Variants in LRRTM4 observed in about 807,000 individuals in gnomAD.
LRRTM4 encodes the protein leucine rich repeat transmembrane neuronal 4.
In LRRTM4, 25 loss-of-function variants were observed where a neutral mutation model predicts 47.6. That is an observed-to-expected ratio of 0.53 (90% CI 0.38 to 0.73). The LOEUF (loss-of-function observed/expected upper bound fraction) is 0.73, where lower values mean the gene tolerates loss of function less well. LRRTM4 is among the 30% of genes least tolerant of loss of function. The pLI is 0.00. For synonymous variants in LRRTM4, 311 were observed against 269.5 expected, an observed-to-expected ratio of 1.15 and a Z score of -1.51; for missense variants, 638 against 713.4, an observed-to-expected ratio of 0.89 and a Z score of 1.20.
chr2:77,267,706 T>TC (rs1182726067), intron 3 of LRRTM4, among the ~76,000 whole-genome samples: 1 of 149,272 alleles, frequency 6.7e-6, no homozygotes, highest in Admixed American at 6.7e-5. Context: ...GAATATTTTT[T>TC]TTTGATAATG....
intron 3 of LRRTM4, among the ~76,000 whole-genome samples, chr2:76,967,050 T>C (rs1676049850): frequency 6.6e-6 from 1 of 151,610 alleles, no homozygotes; most frequent in Admixed American, 6.6e-5. Context: ...ATCAGGCTCC[T>C]AAGTCACTAT....
chr2:76,960,000 C>CA (rs538857675), intron 3 of LRRTM4, among the ~76,000 whole-genome samples: 1,961 of 144,772 alleles, frequency 0.014, 40 homozygotes, highest in African/African-American at 0.043. Flanking sequence ...CTTGGCCAAA[C>CA]AAAAAAAAAA....
At chr2:76,826,273 C>T (rs192321013) in intron 3 of LRRTM4, among the ~76,000 whole-genome samples, 22 of 151,556 alleles carry the variant, frequency 1.5e-4, no homozygotes, top group Middle Eastern at 6.9e-3. Context: ...ATAGGAAAGC[C>T]AAGAAGTAGC....
At chr2:77,395,390 T>C (rs1298701760) in intron 3 of LRRTM4, among the ~76,000 whole-genome samples, 1 of 151,994 alleles carries the variant, frequency 6.6e-6, no homozygotes, top group Non-Finnish European at 1.5e-5. Flanking sequence ...TAGGTATTAA[T>C]GTAGCCTGAG....
chr2:77,084,752 A>T (rs1053061007), intron 3 of LRRTM4, among the ~76,000 whole-genome samples: 2 of 152,232 alleles, frequency 1.3e-5, no homozygotes, highest in Admixed American at 1.3e-4. Context: ...TAATATTGTC[A>T]TAAGAAACCA....
At chr2:76,800,977 C>T (rs13393479) in intron 3 of LRRTM4, among the ~76,000 whole-genome samples, 15,876 of 147,664 alleles carry the variant, frequency 0.11, 1,144 homozygotes, top group Non-Finnish European at 0.14. Context: ...CATCTCACAC[C>T]AGTTAGAATG....
intron 3 of LRRTM4, among the ~76,000 whole-genome samples, chr2:76,919,982 CTAT>C (rs1321019874): frequency 6.6e-6 from 1 of 151,894 alleles, no homozygotes; most frequent in Non-Finnish European, 1.5e-5. Flanking sequence ...TTTTGAAATG[CTAT>C]TTACTTCCAA....
chr2:77,247,113 T>C (rs1469339414), intron 3 of LRRTM4, among the ~76,000 whole-genome samples: 1 of 152,098 alleles, frequency 6.6e-6, no homozygotes, highest in Admixed American at 6.6e-5. Context: ...ATTAATTATA[T>C]TGAATGAGGT....
intron 3 of LRRTM4, among the ~76,000 whole-genome samples, chr2:76,857,311 T>C (rs1292789817): frequency 6.8e-6 from 1 of 147,958 alleles, no homozygotes; most frequent in Non-Finnish European, 1.5e-5. Flanking sequence ...GTATATATAA[T>C]ATATATATAA....
intron 3 of LRRTM4, among the ~76,000 whole-genome samples, chr2:77,063,951 G>C (rs1300992295): frequency 6.6e-6 from 1 of 151,930 alleles, no homozygotes; most frequent in Admixed American, 6.6e-5. Flanking sequence ...AGGCTATTTG[G>C]AAAAATAGAT....
chr2:77,071,926 T>C lies in LRRTM4; in HGVS notation c.1552-323010A>G, dbSNP rs1457444025. On this transcript the variant is annotated intron_variant, in intron 3 of 3. Transcript: ENST00000409884. ...CACTACAGCTCAGGCCACATCGGGCTAGTGGGTGGTATAAAGTATGAGAAT... is the reference window on the plus strand; with the variant it reads ...CACTACAGCTCAGGCCACATCGGGCCAGTGGGTGGTATAAAGTATGAGAAT... Among the ~76,000 whole-genome samples the C allele has an allele frequency of 2.0e-5, 3 of 152,176 alleles. No homozygotes were observed. The East Asian group carries it at 5.8e-4, about 29-fold the overall frequency.
chr2:77,467,654 T>TAGTTAGAG (rs1324145803), intron 3 of LRRTM4, among the ~76,000 whole-genome samples: 1 of 152,188 alleles, frequency 6.6e-6, no homozygotes, highest in Non-Finnish European at 1.5e-5. Flanking sequence ...AGCAGTTTAT[T>TAGTTAGAG]AGTTAGAGTG....
At chr2:77,319,410 C>T (rs1159967761) in intron 3 of LRRTM4, among the ~76,000 whole-genome samples, 1 of 151,876 alleles carries the variant, frequency 6.6e-6, no homozygotes, top group Admixed American at 6.6e-5. Context: ...AAAAGCCAGC[C>T]TCAAGTTTCA....
At chr2:77,470,403 G>A (rs1677143786) in intron 3 of LRRTM4, among the ~76,000 whole-genome samples, 1 of 152,094 alleles carries the variant, frequency 6.6e-6, no homozygotes, top group South Asian at 2.1e-4. Context: ...CAAAGCAAGT[G>A]TTTGAAAGCA....
Position 77,035,837 on chromosome 2 carries a change from G to A in LRRTM4, c.1552-286921C>T, listed in dbSNP as rs75718982. ...AAAATGTTCCCTAGCTACTAAATACGTACCACAATGGCATCTAACAACCAT... is the reference window on the plus strand; with the variant it reads ...AAAATGTTCCCTAGCTACTAAATACATACCACAATGGCATCTAACAACCAT... On this transcript the variant is annotated intron_variant, in intron 3 of 3. Transcript: ENST00000409884. Among the ~76,000 whole-genome samples the A allele has an allele frequency of 5.8e-3, 885 of 151,840 alleles. 11 individuals carry two copies. The highest frequency in any genetic ancestry group is 0.019 in the African/African-American group (809 of 41,496).
chr2:77,091,458 C>A (rs1250835883), intron 3 of LRRTM4, among the ~76,000 whole-genome samples: 1 of 150,186 alleles, frequency 6.7e-6, no homozygotes, highest in Non-Finnish European at 1.5e-5. Flanking sequence ...CTTACAATTC[C>A]CCCATTTTAC....
intron 3 of LRRTM4, among the ~76,000 whole-genome samples, chr2:77,193,557 C>T (rs1234653961): frequency 2.0e-5 from 3 of 151,694 alleles, no homozygotes; most frequent in African/African-American, 4.8e-5. Context: ...CGCCTGTAAT[C>T]CCAGCACTTT....
chr2:77,002,858 G>A (rs964475257), intron 3 of LRRTM4, among the ~76,000 whole-genome samples: 23 of 152,076 alleles, frequency 1.5e-4, no homozygotes, highest in African/African-American at 5.1e-4. Context: ...ACATTGTCCT[G>A]TTCTATTTAT....
intron 3 of LRRTM4, among the ~76,000 whole-genome samples, chr2:77,060,824 G>A (rs896827078): frequency 2.0e-5 from 3 of 151,880 alleles, no homozygotes; most frequent in African/African-American, 4.8e-5. Flanking sequence ...TGTTTTGAGG[G>A]CAAGGTAGAA....
Sources: gnomAD v4.1 joint callset for allele counts (sites outside exome capture counted in the v4.1 genomes callset) on GRCh38, gnomAD v4.1.1 for gene constraint, MANE v1.5 for transcripts, NCBI Gene and HGNC (gene_info 2026-07-23, HGNC 2026-07-21) for gene names.